The following SLC35F4 variants were observed in gnomAD, a reference collection of about 807,000 sequenced individuals.
The protein encoded by SLC35F4 is chromosome 14 open reading frame 36.
SLC35F4 carries 24 observed loss-of-function variants against 44.2 expected under a neutral mutation model. The ratio of observed to expected loss-of-function variants is 0.54; its 90% CI spans 0.39 to 0.76. The LOEUF (loss-of-function observed/expected upper bound fraction) is 0.76. SLC35F4 is among the 30% of genes least tolerant of loss of function. The probability of loss-of-function intolerance (pLI) is 0.00; values close to 1 mark genes in which losing one functional copy is unlikely to be tolerated. For missense variants in SLC35F4, 562 were observed against 586.1 expected (o/e 0.96, Z 0.42); for synonymous variants, 238 against 223.6 (o/e 1.06, Z -0.57).
At chr14:57,823,236 C>A (rs77187419) in intron 1 of SLC35F4, among the ~76,000 whole-genome samples, 1,580 of 152,256 alleles carry the variant, frequency 0.01, 9 homozygotes, top group Non-Finnish European at 0.016. Flanking sequence ...GCTTCCTAGT[C>A]CCTTTTCTCT....
At chr14:57,982,088 C>G (rs1285225728), upstream of SLC35F4, 1 of 152,116 alleles carries the variant, frequency 6.6e-6, no homozygotes, top group East Asian at 1.9e-4. Context: ...CAGTCGGCTC[C>G]TCACCCCCTT....
chr14:57,687,924 A>T (rs1396997912), intron 1 of SLC35F4, among the ~76,000 whole-genome samples: 1 of 152,234 alleles, frequency 6.6e-6, no homozygotes, highest in Non-Finnish European at 1.5e-5. Context: ...TCAGGTTAAA[A>T]TTGTGGTACT....
chr14:57,631,820 G>A (rs2072791388), intron 1 of SLC35F4, among the ~76,000 whole-genome samples: 2 of 152,082 alleles, frequency 1.3e-5, no homozygotes, highest in African/African-American at 4.8e-5. Flanking sequence ...GGGGACAAAA[G>A]TGACTTGACA....
At chr14:57,827,033 A>G (rs1364156001) in intron 1 of SLC35F4, among the ~76,000 whole-genome samples, 1 of 152,192 alleles carries the variant, frequency 6.6e-6, no homozygotes, top group Non-Finnish European at 1.5e-5. Flanking sequence ...AATAGAAATC[A>G]TTATATTATA....
At chr14:57,941,763 C>T (rs965206268) in intron 1 of SLC35F4, among the ~76,000 whole-genome samples, 1 of 152,060 alleles carries the variant, frequency 6.6e-6, no homozygotes, top group African/African-American at 2.4e-5. Flanking sequence ...AATACATGAC[C>T]TATAAACATT....
At chr14:57,972,279 A>G (rs1311220408), downstream of SLC35F4, among the ~76,000 whole-genome samples, 1 of 152,098 alleles carries the variant, frequency 6.6e-6, no homozygotes, top group African/African-American at 2.4e-5. Flanking sequence ...GGGGAGTGGT[A>G]TTTTTTAGCA....
intron 7 of SLC35F4, among the ~76,000 whole-genome samples, chr14:57,565,530 C>A (rs1354932426): frequency 1.3e-5 from 2 of 152,210 alleles, no homozygotes; most frequent in Non-Finnish European, 2.9e-5. Flanking sequence ...CAGGACCTGT[C>A]ACTAGTGTTA....
At chr14:57,904,027 T>C (rs747380224) in intron 1 of SLC35F4, among the ~76,000 whole-genome samples, 8 of 152,236 alleles carry the variant, frequency 5.3e-5, no homozygotes, top group Non-Finnish European at 1.0e-4. Context: ...TTAGAGCTTG[T>C]TATTAGCTTG....
intron 1 of SLC35F4, among the ~76,000 whole-genome samples, chr14:57,950,863 C>A (rs137921378): frequency 6.6e-6 from 1 of 151,952 alleles, no homozygotes. Context: ...GATGGGGTTT[C>A]GCCATCTTGC....
intron 1 of SLC35F4, among the ~76,000 whole-genome samples, chr14:57,849,860 C>A (rs1236543499): frequency 6.6e-6 from 1 of 152,156 alleles, no homozygotes; most frequent in African/African-American, 2.4e-5. Context: ...CTATCACATT[C>A]TAACTGACTG....
intron 1 of SLC35F4, among the ~76,000 whole-genome samples, chr14:57,904,455 T>C (rs1392951438): frequency 6.6e-6 from 1 of 152,174 alleles, no homozygotes; most frequent in South Asian, 2.1e-4. Flanking sequence ...CACTCCAAGA[T>C]TGGGATACTC....
At chr14:57,646,028 T>C (rs931851444) in intron 1 of SLC35F4, among the ~76,000 whole-genome samples, 10 of 152,182 alleles carry the variant, frequency 6.6e-5, no homozygotes, top group Admixed American at 3.9e-4. Flanking sequence ...GGTTTGCCAG[T>C]ATTTTATTGA....
chr14:57,664,875 A>G (rs2074256519), intron 1 of SLC35F4, among the ~76,000 whole-genome samples: 1 of 152,194 alleles, frequency 6.6e-6, no homozygotes, highest in Non-Finnish European at 1.5e-5. Flanking sequence ...ACTAAGCCAC[A>G]GTGAAAGATA....
rs77272573 is a variant in SLC35F4 at position 57,863,400 on chromosome 14, G to C, written c.103+2323C>G. Among the ~76,000 whole-genome samples, 307 of 152,286 alleles carry C rather than the reference G, an allele frequency of 2.0e-3. 2 individuals are homozygous for C. The highest frequency in any genetic ancestry group is 0.01 in the Middle Eastern group (3 of 294). On this transcript the variant is annotated intron_variant, in intron 1 of 7. Transcript: ENST00000556826. ...GCTTGATCTTCAGTGCATTTTCTTA[G>C]AGGTAAGTCCCCGTCTATCTCCAAA... is the stretch of plus-strand genomic sequence containing the variant.
intron 1 of SLC35F4, among the ~76,000 whole-genome samples, chr14:57,848,470 C>A (rs901206594): frequency 6.6e-6 from 1 of 152,114 alleles, no homozygotes; most frequent in African/African-American, 2.4e-5. Flanking sequence ...CCAGGAGATT[C>A]AAAAAGCCTT....
intron 1 of SLC35F4, among the ~76,000 whole-genome samples, chr14:57,928,249 C>T (rs1889621297): frequency 6.6e-6 from 1 of 152,208 alleles, no homozygotes; most frequent in Non-Finnish European, 1.5e-5. Context: ...TTCTCCTCTC[C>T]TGACCTCTAC....
intron 1 of SLC35F4, among the ~76,000 whole-genome samples, chr14:57,936,592 C>A (rs1418925250): frequency 1.3e-5 from 2 of 152,326 alleles, no homozygotes; most frequent in African/African-American, 4.8e-5. Context: ...GTGCTATTGG[C>A]ATCTAGTGGG....
intron 1 of SLC35F4, among the ~76,000 whole-genome samples, chr14:57,624,344 G>C (rs1005172373): frequency 2.6e-5 from 4 of 152,162 alleles, no homozygotes; most frequent in Non-Finnish European, 5.9e-5. Flanking sequence ...GGACCAGGCG[G>C]ATTCACAGCT....
At chr14:57,693,354 A>G (rs1046685552) in intron 1 of SLC35F4, among the ~76,000 whole-genome samples, 1 of 152,210 alleles carries the variant, frequency 6.6e-6, no homozygotes, top group Non-Finnish European at 1.5e-5. Flanking sequence ...TCTCTACAGC[A>G]CTGTGACATG....
Sources: gnomAD v4.1 joint callset for allele counts (sites outside exome capture counted in the v4.1 genomes callset) on GRCh38, gnomAD v4.1.1 for gene constraint, MANE v1.5 for transcripts, NCBI Gene and HGNC (gene_info 2026-07-23, HGNC 2026-07-21) for gene names.